The following ROR1 variants were observed in gnomAD, a reference collection of about 807,000 sequenced individuals.
ROR1 encodes the protein ROR family WNT receptor 1.
Under a neutral mutation model 78.8 loss-of-function variants are expected in ROR1, and 19 were observed. The observed-to-expected ratio is 0.24, with a 90% CI of 0.17 to 0.35. The LOEUF (loss-of-function observed/expected upper bound fraction) is 0.35. Among genes scored for constraint, ROR1 ranks in the 10% least tolerant of loss-of-function variants. ROR1 has a pLI of 1.00. For missense variants in ROR1, 917 were observed against 1,177.8 expected (o/e 0.78, Z 3.24); for synonymous variants, 386 against 433.6 (o/e 0.89, Z 1.36).
intron 1 of ROR1, among the ~76,000 whole-genome samples, chr1:63,868,603 T>G (rs138961168): frequency 2.6e-3 from 397 of 152,340 alleles, no homozygotes; most frequent in South Asian, 8.5e-3. Flanking sequence ...TGAAATAAGC[T>G]GTGAAAAGGG....
chr1:63,835,024 G>C (rs1645011809), intron 1 of ROR1, among the ~76,000 whole-genome samples: 1 of 152,018 alleles, frequency 6.6e-6, no homozygotes, highest in South Asian at 2.1e-4. Flanking sequence ...CTATTTACCT[G>C]TTGCTGCCTC....
intron 1 of ROR1, among the ~76,000 whole-genome samples, chr1:63,814,006 T>C (rs12076919): frequency 0.088 from 13,445 of 152,250 alleles, 1,952 homozygotes; most frequent in African/African-American, 0.31. Flanking sequence ...CTCCTTTGTG[T>C]TTTACATCTG....
intron 1 of ROR1, among the ~76,000 whole-genome samples, chr1:64,008,522 C>T (rs544172133): frequency 6.6e-4 from 100 of 152,302 alleles, no homozygotes; most frequent in African/African-American, 2.3e-3. Context: ...ATTTTTAGCT[C>T]TTTGAGAAAT....
intron 1 of ROR1, among the ~76,000 whole-genome samples, chr1:63,900,636 A>T (rs1645477715): frequency 6.6e-6 from 1 of 152,050 alleles, no homozygotes; most frequent in Admixed American, 6.6e-5. Context: ...CATTTTTCTT[A>T]CATTAAAATA....
chr1:63,830,270 G>A (rs1262688606), intron 1 of ROR1, among the ~76,000 whole-genome samples: 4 of 152,282 alleles, frequency 2.6e-5, no homozygotes, highest in African/African-American at 9.6e-5. Flanking sequence ...GGCATAAGGT[G>A]GTGGAGAAGA....
chr1:63,921,241 A>C (rs999166692), intron 1 of ROR1, among the ~76,000 whole-genome samples: 16 of 152,096 alleles, frequency 1.1e-4, no homozygotes, highest in African/African-American at 3.9e-4. Flanking sequence ...GTGCTTATTA[A>C]ATTCAGCGTG....
At chr1:63,968,552 C>A (rs768956708) in intron 1 of ROR1, among the ~76,000 whole-genome samples, 28 of 151,944 alleles carry the variant, frequency 1.8e-4, no homozygotes, top group Non-Finnish European at 4.4e-5. Flanking sequence ...ATAGACAATC[C>A]TGGTAATAAA....
chr1:64,060,691 T>C (rs556687490), intron 4 of ROR1, among the ~76,000 whole-genome samples: 1 of 152,234 alleles, frequency 6.6e-6, no homozygotes, highest in Admixed American at 6.5e-5. Context: ...CAGAGGGCCA[T>C]TGCTCCAGTA....
At chr1:64,102,536 G>A (rs1432679904) in intron 4 of ROR1, among the ~76,000 whole-genome samples, 1 of 152,112 alleles carries the variant, frequency 6.6e-6, no homozygotes, top group Non-Finnish European at 1.5e-5. Context: ...TCATAGCTGT[G>A]CTTTTATTCA....
At chr1:64,034,982 A>T (rs916893086) in intron 2 of ROR1, among the ~76,000 whole-genome samples, 5 of 152,152 alleles carry the variant, frequency 3.3e-5, no homozygotes, top group Non-Finnish European at 5.9e-5. Flanking sequence ...GCTATTCACA[A>T]ATAGAGTGAC....
intron 1 of ROR1, among the ~76,000 whole-genome samples, chr1:63,920,192 G>C (rs992339897): frequency 3.9e-5 from 6 of 152,118 alleles, no homozygotes; most frequent in Non-Finnish European, 1.5e-5. Context: ...CCCTGCTTTG[G>C]TGGAATATTT....
chr1:63,977,109 A>G (rs1454615901), intron 1 of ROR1, among the ~76,000 whole-genome samples: 3 of 152,130 alleles, frequency 2.0e-5, no homozygotes, highest in Non-Finnish European at 4.4e-5. Context: ...ATCTCATGGG[A>G]ACTCACTCAC....
chr1:64,060,656 G>A (rs1010917242), intron 4 of ROR1, among the ~76,000 whole-genome samples: 2 of 152,188 alleles, frequency 1.3e-5, no homozygotes, highest in African/African-American at 2.4e-5. Flanking sequence ...AGACCAGGAA[G>A]TCACTTGGCA....
intron 8 of ROR1, among the ~76,000 whole-genome samples, chr1:64,172,762 C>A (rs1650275369): frequency 6.6e-6 from 1 of 152,156 alleles, no homozygotes; most frequent in South Asian, 2.1e-4. Context: ...ACTGCCAAAA[C>A]TTTATGACTT....
At chr1:64,162,347 C>T (rs545893771) in intron 8 of ROR1, among the ~76,000 whole-genome samples, 6 of 152,154 alleles carry the variant, frequency 3.9e-5, no homozygotes, top group Non-Finnish European at 8.8e-5. Context: ...GAAACTGATA[C>T]CCTTGAGAGA....
At chr1:63,806,612 T>A (rs147351781) in intron 1 of ROR1, among the ~76,000 whole-genome samples, 3 of 152,240 alleles carry the variant, frequency 2.0e-5, no homozygotes, top group Non-Finnish European at 4.4e-5. Flanking sequence ...CCACCGCGCC[T>A]GGCCCAGACT....
At chr1:63,939,070 A>G (rs1337161813) in intron 1 of ROR1, among the ~76,000 whole-genome samples, 1 of 152,222 alleles carries the variant, frequency 6.6e-6, no homozygotes, top group Non-Finnish European at 1.5e-5. Context: ...TTCATTTCAT[A>G]TAATACCCTG....
At chr1:64,004,197 G>A (rs535752987) in intron 1 of ROR1, among the ~76,000 whole-genome samples, 1 of 152,330 alleles carries the variant, frequency 6.6e-6, no homozygotes, top group African/African-American at 2.4e-5. Flanking sequence ...GGCCTCACTT[G>A]CTTCCTCTGA....
intron 1 of ROR1, among the ~76,000 whole-genome samples, chr1:63,833,480 T>A (rs1472490040): frequency 6.6e-6 from 1 of 152,162 alleles, no homozygotes; most frequent in Non-Finnish European, 1.5e-5. Context: ...TGCTTTGTTT[T>A]GTGGGTCTTC....
Sources: allele counts gnomAD v4.1 joint callset (sites outside exome capture counted in the v4.1 genomes callset), GRCh38; gene constraint gnomAD v4.1.1; transcripts MANE v1.5; gene names NCBI Gene and HGNC (gene_info 2026-07-23, HGNC 2026-07-21).